Variants in EPB41L3 observed in about 807,000 individuals in gnomAD.
EPB41L3 encodes the protein band 4.1-like protein 3.
Under a neutral mutation model 127.1 loss-of-function variants are expected in EPB41L3, and 57 were observed. The ratio of observed to expected loss-of-function variants is 0.45; its 90% CI spans 0.36 to 0.56. The LOEUF is 0.56. EPB41L3 is among the 20% of genes least tolerant of loss of function. The pLI, the probability that EPB41L3 is intolerant of heterozygous loss-of-function variation, is 0.00. For missense variants in EPB41L3, 1,273 were observed against 1,372.2 expected (o/e 0.93, Z 1.14); for synonymous variants, 572 against 549.5 (o/e 1.04, Z -0.57).
At chr18:5,505,236 C>T (rs191310486) in intron 1 of EPB41L3, among the ~76,000 whole-genome samples, 1 of 152,256 alleles carries the variant, frequency 6.6e-6, no homozygotes, top group Admixed American at 6.5e-5. Flanking sequence ...CAGGGCATCC[C>T]TGAGTCTTCC....
intron 3 of EPB41L3, among the ~76,000 whole-genome samples, chr18:5,572,746 T>A (rs1203724999): frequency 6.6e-6 from 1 of 152,100 alleles, no homozygotes; most frequent in African/African-American, 2.4e-5. Context: ...GGTAATTTTT[T>A]AAAATTTTGT....
intron 2 of EPB41L3, among the ~76,000 whole-genome samples, chr18:5,487,182 C>A (rs866721703): frequency 3.3e-5 from 5 of 152,004 alleles, no homozygotes; most frequent in Admixed American, 1.3e-4. Flanking sequence ...TGCACCAACA[C>A]GGATGGAACT....
chr18:5,431,173 GA>G (rs2078962655), intron 8 of EPB41L3: 1 of 152,090 alleles, frequency 6.6e-6, no homozygotes. Flanking sequence ...GATGTACAAA[GA>G]AAAAACAAAG....
chr18:5,628,207 C>T (rs1193913528), intron 1 of EPB41L3, among the ~76,000 whole-genome samples: 1 of 152,232 alleles, frequency 6.6e-6, no homozygotes, highest in African/African-American at 2.4e-5. Context: ...CCCACATAGA[C>T]CCTGCTCTAC....
chr18:5,537,189 T>C (rs149838022), intron 1 of EPB41L3, among the ~76,000 whole-genome samples: 69 of 152,310 alleles, frequency 4.5e-4, no homozygotes, highest in African/African-American at 1.6e-3. Context: ...TTCAGAAAGG[T>C]AGATAATGAC....
In EPB41L3 at chr18:5,416,161, T is replaced by C. The variant is rs8082898; in HGVS notation, c.1724A>G (p.Tyr575Cys). Residue 575 changes from tyrosine to cysteine, a missense_variant, in exon 13 of 23, where the codon TAC (tyrosine) becomes TGC (cysteine). Physicochemically the swap from Tyr to Cys is radical, Grantham distance 194. Around this residue, in one of 3 missense-constraint regions of EPB41L3, gnomAD observed 765 missense variants for 782.9 expected, o/e 0.98. Coordinates refer to ENST00000341928, the MANE Select transcript of EPB41L3 (RefSeq NM_012307.5). ...GGTCCCCTTGCCAGTTTGCTGTCTGTAGCTAAAAGCCACATCTTGATCCCC... is the reference window on the plus strand; with the variant it reads ...GGTCCCCTTGCCAGTTTGCTGTCTGCAGCTAAAAGCCACATCTTGATCCCC... ...YLGDQDVAFS[Y>C]RQQTGKGTTL... 0.024 allele frequency: 38,716 copies of C among 1,613,986 alleles called. 796 individuals are homozygous for C. Among genetic ancestry groups the C allele is most frequent in the Admixed American group, 0.079 (4,762 of 60,002 alleles).
intron 3 of EPB41L3, among the ~76,000 whole-genome samples, chr18:5,593,477 C>T (rs145012008): frequency 0.011 from 1,698 of 152,150 alleles, 24 homozygotes; most frequent in African/African-American, 0.032. Context: ...ACAGAGATCA[C>T]GTGCTTCACA....
At chr18:5,524,323 A>G (rs1229089663) in intron 1 of EPB41L3, among the ~76,000 whole-genome samples, 1 of 152,088 alleles carries the variant, frequency 6.6e-6, no homozygotes, top group East Asian at 1.9e-4. Context: ...CCTCCCAAGT[A>G]GCTGGGATTA....
At chr18:5,425,574 G>A (rs2078058610) in intron 9 of EPB41L3, among the ~76,000 whole-genome samples, 1 of 152,188 alleles carries the variant, frequency 6.6e-6, no homozygotes, top group South Asian at 2.1e-4. Context: ...AGGCAAGGAT[G>A]ATGCAGGCTC....
At chr18:5,499,927 A>G (rs929193701) in intron 1 of EPB41L3, among the ~76,000 whole-genome samples, 1 of 151,722 alleles carries the variant, frequency 6.6e-6, no homozygotes, top group Non-Finnish European at 1.5e-5. Context: ...ATTCTGTCAC[A>G]GGTTGACATT....
At position 5,600,043 on chromosome 18, in the gene EPB41L3, G is replaced by A. The variant is rs112605592; in HGVS notation, c.-306+12297C>T. On this transcript the variant is annotated intron_variant, in intron 3 of 21. Transcript: ENST00000545076. ...GTACACTCCACTTAGTGGCTGCTAAGTAAACAATTCTGAATCTTAAGGCTG... is the reference window on the plus strand; with the variant it reads ...GTACACTCCACTTAGTGGCTGCTAAATAAACAATTCTGAATCTTAAGGCTG... 6.0e-3 allele frequency among the ~76,000 whole-genome samples: 920 copies of A among 152,244 alleles called. 11 individuals carry two copies. The highest frequency in any genetic ancestry group is 0.016 in the African/African-American group (680 of 41,550).
chr18:5,398,224 C>G, intron 16 of EPB41L3, 81 bp from the exon 17 acceptor site: 2 of 1,546,666 alleles, frequency 1.3e-6, no homozygotes, highest in Non-Finnish European at 1.8e-6. Flanking sequence ...GCTTGTTAGA[C>G]AAAATCGTAG....
At chr18:5,528,670 C>A (rs1351446789) in intron 1 of EPB41L3, among the ~76,000 whole-genome samples, 1 of 151,738 alleles carries the variant, frequency 6.6e-6, no homozygotes, top group Admixed American at 6.6e-5. Flanking sequence ...TGATCTCAGC[C>A]CACCGCAGCC....
At chr18:5,595,003 C>T (rs1317886030) in intron 3 of EPB41L3, among the ~76,000 whole-genome samples, 1 of 152,184 alleles carries the variant, frequency 6.6e-6, no homozygotes, top group African/African-American at 2.4e-5. Flanking sequence ...AATCAATCCA[C>T]ACTAGGCACA....
At chr18:5,411,312 T>C (rs1302479780) in intron 13 of EPB41L3, among the ~76,000 whole-genome samples, 1 of 152,232 alleles carries the variant, frequency 6.6e-6, no homozygotes, top group Non-Finnish European at 1.5e-5. Context: ...AGAAGTATAT[T>C]AAAGTATGTA....
chr18:5,480,217 G>T (rs1482704858), intron 2 of EPB41L3: 2 of 152,076 alleles, frequency 1.3e-5, no homozygotes, highest in Non-Finnish European at 2.9e-5. Context: ...CAAAGGATAG[G>T]CATTGTTTCT....
At chr18:5,619,660 C>T (rs1275684551) in intron 1 of EPB41L3, among the ~76,000 whole-genome samples, 6 of 152,126 alleles carry the variant, frequency 3.9e-5, no homozygotes. Flanking sequence ...ACAAACACCC[C>T]CTTTCCTTAT....
At chr18:5,536,566 C>T (rs1422651887) in intron 1 of EPB41L3, among the ~76,000 whole-genome samples, 1 of 151,188 alleles carries the variant, frequency 6.6e-6, no homozygotes, top group East Asian at 1.9e-4. Context: ...CTTTGGGAGG[C>T]CAAGGCGGGC....
chr18:5,410,395 A>G (rs2076049033), intron 14 of EPB41L3, among the ~76,000 whole-genome samples, 171 bp downstream of exon 14: 1 of 152,226 alleles, frequency 6.6e-6, no homozygotes, highest in Admixed American at 6.5e-5. Flanking sequence ...GATGTAGGCC[A>G]GAGTTTAAGA....
Sources: allele counts gnomAD v4.1 joint callset (sites outside exome capture counted in the v4.1 genomes callset), GRCh38; gene constraint gnomAD v4.1.1; regional missense constraint gnomAD v4.1.1; transcripts MANE v1.5; gene names NCBI Gene and HGNC (gene_info 2026-07-23, HGNC 2026-07-21).